The following MICAL2 variants were observed in gnomAD, a reference collection of about 807,000 sequenced individuals.
The protein encoded by MICAL2 is microtubule associated monooxygenase, calponin and LIM domain containing 2.
A neutral mutation model predicts 127.3 loss-of-function variants in MICAL2; 77 were observed. That is an observed-to-expected ratio of 0.60 (90% CI 0.50 to 0.73). The LOEUF is 0.73. Ranked by LOEUF, MICAL2 falls within the 30% of genes least tolerant of loss-of-function variation. The pLI, the probability that MICAL2 is intolerant of heterozygous loss-of-function variation, is 0.00. For synonymous variants in MICAL2, 570 were observed against 551.1 expected, an observed-to-expected ratio of 1.03 and a Z score of -0.48; for missense variants, 1,351 against 1,434.4, an observed-to-expected ratio of 0.94 and a Z score of 0.94.
upstream of MICAL2, chr11:12,276,066 CT>C (rs1863719645): frequency 1.3e-5 from 5 of 399,214 alleles, no homozygotes; most frequent in Non-Finnish European, 2.2e-5. Context: ...TGCCTCTCCC[CT>C]GCCCTCCGAG....
At chr11:12,338,824 G>T (rs547714767) in intron 32 of MICAL2, among the ~76,000 whole-genome samples, 1 of 152,342 alleles carries the variant, frequency 6.6e-6, no homozygotes, top group African/African-American at 2.4e-5. Flanking sequence ...GGAGAGATCA[G>T]CTGTTTGTCG....
At chr11:12,192,841 A>G (rs928670600) in intron 3 of MICAL2, among the ~76,000 whole-genome samples, 8 of 152,242 alleles carry the variant, frequency 5.3e-5, no homozygotes, top group Non-Finnish European at 4.4e-5. Context: ...GGTCATTGCT[A>G]CCATTTACTG....
intron 21 of MICAL2, among the ~76,000 whole-genome samples, chr11:12,247,803 C>G (rs1267167032): frequency 6.6e-6 from 1 of 152,226 alleles, no homozygotes; most frequent in Non-Finnish European, 1.5e-5. Context: ...TTATTCTATC[C>G]TGGTGCAGCT....
chr11:12,321,169 C>T (rs1464475959), intron 30 of MICAL2, among the ~76,000 whole-genome samples: 1 of 152,120 alleles, frequency 6.6e-6, no homozygotes, highest in Non-Finnish European at 1.5e-5. Flanking sequence ...GAACAGAGCC[C>T]GCCATCACGT....
chr11:12,162,866 C>T (rs1415756388), intron 3 of MICAL2, among the ~76,000 whole-genome samples: 3 of 152,182 alleles, frequency 2.0e-5, no homozygotes, highest in Non-Finnish European at 4.4e-5. Context: ...TAGAGGGCAA[C>T]CTTAGTCCAT....
chr11:12,204,683 C>T (rs1854444843), intron 4 of MICAL2, among the ~76,000 whole-genome samples: 1 of 152,188 alleles, frequency 6.6e-6, no homozygotes, highest in African/African-American at 2.4e-5. Flanking sequence ...TTGCAGCATG[C>T]CTTAATCACC....
chr11:12,273,340 GC>G (rs1455076757), upstream of MICAL2, among the ~76,000 whole-genome samples: 5 of 152,132 alleles, frequency 3.3e-5, no homozygotes, highest in African/African-American at 1.2e-4. Context: ...AGCTGCTACT[GC>G]TTTTATTATG....
downstream of MICAL2, among the ~76,000 whole-genome samples, chr11:12,290,053 C>A (rs1384944842): frequency 6.6e-6 from 1 of 152,182 alleles, no homozygotes; most frequent in Non-Finnish European, 1.5e-5. Flanking sequence ...AACCCCAAGA[C>A]ACAGTGGGCA....
chr11:12,202,633 C>T lies in MICAL2; in HGVS notation c.265-1617C>T, dbSNP rs557866909. Among the ~76,000 whole-genome samples the T allele has an allele frequency of 3.4e-4, 52 of 151,828 alleles. No homozygotes were observed. The Middle Eastern group carries it at 0.017, about 50-fold the overall frequency. ...TTCCGTCTGGGCTCCAGAAAAAGACCAGCCACAAGAGGTTCTAGTTATTTA... is the reference window on the plus strand; with the variant it reads ...TTCCGTCTGGGCTCCAGAAAAAGACTAGCCACAAGAGGTTCTAGTTATTTA... On this transcript the variant is annotated intron_variant, in intron 3 of 27. Transcript: ENST00000683283.
chr11:12,193,258 G>A (rs1276037424), intron 3 of MICAL2, among the ~76,000 whole-genome samples: 3 of 152,208 alleles, frequency 2.0e-5, no homozygotes, highest in African/African-American at 4.8e-5. Context: ...CATAGCAGCC[G>A]GTCCAGATAC....
chr11:12,292,693 G>C (rs1368420272), downstream of MICAL2, among the ~76,000 whole-genome samples: 1 of 152,250 alleles, frequency 6.6e-6, no homozygotes, highest in East Asian at 1.9e-4. Flanking sequence ...AACCTTGGAA[G>C]CAACATCTCC....
chr11:12,294,910 A>G (rs1863966190), downstream of MICAL2: 1 of 1,408,814 alleles, frequency 7.1e-7, no homozygotes, highest in South Asian at 1.7e-5. Flanking sequence ...GCAGTTAGTA[A>G]TCTTCATTGC....
At chr11:12,224,527 C>T (rs569278058) in intron 12 of MICAL2, 146 bp from the exon 13 acceptor site, 2 of 1,003,564 alleles carry the variant, frequency 2.0e-6, no homozygotes, top group Non-Finnish European at 2.9e-6. Flanking sequence ...GGGAGCTGCA[C>T]CCGTGCCAGT....
chr11:12,330,224 T>C (rs1864399921), intron 32 of MICAL2, among the ~76,000 whole-genome samples: 1 of 152,212 alleles, frequency 6.6e-6, no homozygotes, highest in Non-Finnish European at 1.5e-5. Flanking sequence ...TTTAATATTC[T>C]ATTCAGTCCC....
intron 2 of MICAL2, among the ~76,000 whole-genome samples, chr11:12,139,218 C>T (rs1002865661): frequency 6.6e-6 from 1 of 152,224 alleles, no homozygotes; most frequent in South Asian, 2.1e-4. Context: ...CTCCTCCCTC[C>T]TCCTCTGCCC....
chr11:12,291,694 A>T (rs540376144), downstream of MICAL2, among the ~76,000 whole-genome samples: 2 of 152,218 alleles, frequency 1.3e-5, no homozygotes, highest in African/African-American at 4.8e-5. Context: ...CCATCTCATT[A>T]GTCGTGGATG....
At chr11:12,301,043 A>G (rs1049821110) in intron 29 of MICAL2, among the ~76,000 whole-genome samples, 1 of 152,218 alleles carries the variant, frequency 6.6e-6, no homozygotes, top group Non-Finnish European at 1.5e-5. Context: ...CCTCAGAATC[A>G]TGGCGGGAGG....
At position 12,222,598 on chromosome 11, in the gene MICAL2, A is replaced by G. The variant is rs776293949; in HGVS notation, c.1323-19A>G. 1 of 1,614,020 alleles carries G rather than the reference A, an allele frequency of 6.2e-7. No homozygotes were observed. The highest frequency in any genetic ancestry group is 1.3e-5 in the African/African-American group (1 of 74,948). ...GTGGCAAAAGTGATCCCTGACCTCC[A>G]GGCTCCGCCTCCCTCCAGGGAAAGT... On this transcript the variant is annotated intron_variant, in intron 10 of 27. Transcript: ENST00000683283.
chr11:12,273,640 A>C (rs1863695743), upstream of MICAL2, among the ~76,000 whole-genome samples: 1 of 152,024 alleles, frequency 6.6e-6, no homozygotes, highest in African/African-American at 2.4e-5. Flanking sequence ...TGATAAATAC[A>C]GTTTGGGAAG....
Sources: gnomAD v4.1 joint callset for allele counts (sites outside exome capture counted in the v4.1 genomes callset) on GRCh38, gnomAD v4.1.1 for gene constraint, MANE v1.5 for transcripts, NCBI Gene and HGNC (gene_info 2026-07-23, HGNC 2026-07-21) for gene names.